The following DNMT1 variants were observed in gnomAD, a reference collection of about 807,000 sequenced individuals.
DNMT1 encodes the protein DNA methyltransferase 1, also known as DNA (cytosine-5)-methyltransferase 1.
DNMT1 carries 24 observed loss-of-function variants against 205.3 expected under a neutral mutation model. The ratio of observed to expected loss-of-function variants is 0.12; its 90% CI spans 0.08 to 0.16. DNMT1 has a LOEUF of 0.16. Among genes scored for constraint, DNMT1 ranks in the 10% least tolerant of loss-of-function variants. The probability of loss-of-function intolerance (pLI) is 1.00; values close to 1 mark genes in which losing one functional copy is unlikely to be tolerated. For missense variants in DNMT1, 1,293 were observed against 2,177.7 expected (o/e 0.59, Z 8.09); for synonymous variants, 817 against 839.8 (o/e 0.97, Z 0.47).
rs530870444 is a variant in DNMT1 at position 10,170,357 on chromosome 19, G to A, written c.769-1993C>T. Among the ~76,000 whole-genome samples the A allele has an allele frequency of 5.9e-5, 9 of 151,948 alleles. No homozygotes were observed. The South Asian group carries it at 6.2e-4, about 11-fold the overall frequency. ...AATGGTTCAAAAATTATTGTACAGC[G>A]GCCGGATGCAGTGGCTCACGCCTGT... is the stretch of plus-strand genomic sequence containing the variant. On this transcript the variant is annotated intron_variant, in intron 9 of 40. Coordinates refer to ENST00000359526, the MANE Select transcript of DNMT1 (RefSeq NM_001130823.3).
intron 28 of DNMT1, among the ~76,000 whole-genome samples, chr19:10,145,248 G>A (rs941510206): frequency 3.3e-5 from 5 of 152,204 alleles, no homozygotes; most frequent in South Asian, 4.1e-4. Context: ...CCCCAAAGGC[G>A]TCTCTGTGCT....
At chr19:10,136,980 G>A (rs929676880) in intron 37 of DNMT1, 105 bp downstream of exon 37, 50 of 1,445,454 alleles carry the variant, frequency 3.5e-5, no homozygotes, top group Non-Finnish European at 4.6e-5. Flanking sequence ...ACCCAGGCTT[G>A]GTGTGTCTGT....
At chr19:10,169,914 G>A (rs990102102) in intron 9 of DNMT1, among the ~76,000 whole-genome samples, 2 of 152,294 alleles carry the variant, frequency 1.3e-5, no homozygotes, top group Admixed American at 6.5e-5. Flanking sequence ...TGCTTGTTCT[G>A]AAACAAATTC....
At chr19:10,188,203 G>A (rs1305754590) in intron 1 of DNMT1, among the ~76,000 whole-genome samples, 1 of 152,122 alleles carries the variant, frequency 6.6e-6, no homozygotes, top group Non-Finnish European at 1.5e-5. Flanking sequence ...CGGCTGCATG[G>A]CAGCTGGAGC....
In DNMT1 at chr19:10,133,567, T is replaced by TG; in HGVS notation, c.*99_*100insC. On this transcript the variant is annotated 3_prime_UTR_variant, in exon 41 of 41. Coordinates refer to ENST00000359526, the MANE Select transcript of DNMT1 (RefSeq NM_001130823.3). This position sits in a 1 kb window ranked among gnomAD's most constrained non-coding sequence, Gnocchi z 4.1. Reference sequence around the variant, plus strand: ...GTCAGCCAAGGCCACAAACACCATGTACCACACATGTGAACGGACAGATTG... The same window carrying TG: ...GTCAGCCAAGGCCACAAACACCATGTGACCACACATGTGAACGGACAGATTG... 7.2e-7 allele frequency: 1 copy of TG among 1,396,250 alleles called. No homozygotes were observed. 86.5% of individuals were successfully genotyped at this position (1,396,250 alleles called of 1,614,324 possible).
Position 10,180,180 on chromosome 19 carries a change from C to T in DNMT1, c.493+7G>A, listed in dbSNP as rs1177224966. ...TACAAAAATTAGCTGGGTGTGGTGG[C>T]ACATACCTCTAATCCCAGTTACTTG... is the stretch of plus-strand genomic sequence containing the variant. On this transcript the variant is annotated splice_region_variant and intron_variant, in intron 5 of 40. Coordinates refer to ENST00000359526, the MANE Select transcript of DNMT1 (RefSeq NM_001130823.3). The T allele has an allele frequency of 3.9e-6, 3 of 775,872 alleles. No individual in the cohort carries two copies. The highest frequency in any genetic ancestry group is 1.7e-5 in the African/African-American group (1 of 57,596). The allele number at this position is 775,872 out of a possible 1,614,324, so 48.1% of individuals were successfully genotyped here.
Position 10,138,665 on chromosome 19 carries a change from C to A in DNMT1, c.3949-60G>T. 1 of 1,562,782 alleles carries A rather than the reference C, an allele frequency of 6.4e-7. No individual in the cohort carries two copies. Among genetic ancestry groups the A allele is most frequent in the South Asian group, 1.1e-5 (1 of 87,896 alleles). ...GTGGGACACTCCCAACTGGACTGGCCAGACCCAGGCCCAGGGTCAGCAGCC... is the reference window on the plus strand; with the variant it reads ...GTGGGACACTCCCAACTGGACTGGCAAGACCCAGGCCCAGGGTCAGCAGCC... On this transcript the variant is annotated intron_variant, in intron 34 of 40. Coordinates refer to ENST00000359526, the MANE Select transcript of DNMT1 (RefSeq NM_001130823.3). This position sits in a 1 kb window ranked among gnomAD's most constrained non-coding sequence, Gnocchi z 4.1.
At position 10,139,621 on chromosome 19, in the gene DNMT1, T is replaced by C. The variant is rs897337616; in HGVS notation, c.3948+55A>G. 4.4e-6 allele frequency: 7 copies of C among 1,590,398 alleles called. No individual in the cohort carries two copies. The African/African-American group carries it at 9.4e-5, about 21-fold the overall frequency. ...CCTTCAGTAAGGGATGGCTGGCTGCTGGCCGGGTCACGTGCTGGCCACATC... is the reference window on the plus strand; with the variant it reads ...CCTTCAGTAAGGGATGGCTGGCTGCCGGCCGGGTCACGTGCTGGCCACATC... On this transcript the variant is annotated intron_variant, in intron 34 of 40. Coordinates refer to ENST00000359526, the MANE Select transcript of DNMT1 (RefSeq NM_001130823.3).
At chr19:10,192,916 G>A (rs1250828521) in intron 1 of DNMT1, among the ~76,000 whole-genome samples, 5 of 152,048 alleles carry the variant, frequency 3.3e-5, no homozygotes, top group Non-Finnish European at 5.9e-5. Flanking sequence ...GCGTGGTGGT[G>A]TGCACCTGTA....
In DNMT1 at chr19:10,137,820, G is replaced by A. The variant is rs771761767; in HGVS notation, c.4293+12C>T. 1 of 1,611,988 alleles carries A rather than the reference G, an allele frequency of 6.2e-7. No homozygotes were observed. Among genetic ancestry groups the A allele is most frequent in the Non-Finnish European group, 8.5e-7 (1 of 1,179,452 alleles). On this transcript the variant is annotated intron_variant, in intron 36 of 40. Transcript: ENST00000359526. This position sits in a 1 kb window ranked among gnomAD's most constrained non-coding sequence, Gnocchi z 6.4. ...GCCTCGAGGAGGAGCCGCTCTGTCA[G>A]GGTGCCATTACCTTACAGATGTGGT...
At chr19:10,153,953 AC>A (rs1259663643) in intron 22 of DNMT1, among the ~76,000 whole-genome samples, 1 of 152,214 alleles carries the variant, frequency 6.6e-6, no homozygotes, top group East Asian at 1.9e-4. Context: ...TCTAAGCTGG[AC>A]AAAGTGCCCA....
At chr19:10,185,843 GA>G (rs57377594) in intron 1 of DNMT1, among the ~76,000 whole-genome samples, 1,159 of 70,770 alleles carry the variant, frequency 0.016, 5 homozygotes, top group African/African-American at 0.044. Flanking sequence ...TGTCTCAAAA[GA>G]AAAAAAAAAA....
intron 10 of DNMT1, among the ~76,000 whole-genome samples, chr19:10,167,715 G>A (rs2038725405): frequency 6.6e-6 from 1 of 152,174 alleles, no homozygotes; most frequent in Admixed American, 6.6e-5. Flanking sequence ...TCTGGCCTTG[G>A]AGCCATTTGT....
At position 10,168,754 on chromosome 19, in the gene DNMT1, A is replaced by G. The variant is rs577403654; in HGVS notation, c.769-390T>C. 2.6e-5 allele frequency among the ~76,000 whole-genome samples: 4 copies of G among 152,330 alleles called. No individual in the cohort carries two copies. The East Asian group carries it at 7.7e-4, about 29-fold the overall frequency. ...ACTTTATTATAAATCTCTACTTCCG[A>G]TATTAAAGGAATGAAATAGGATGGC... On this transcript the variant is annotated intron_variant, in intron 9 of 40. Coordinates refer to ENST00000359526, the MANE Select transcript of DNMT1 (RefSeq NM_001130823.3).
Position 10,133,850 on chromosome 19 carries a change from G to A in DNMT1, c.4865-149C>T, listed in dbSNP as rs563855223. On this transcript the variant is annotated intron_variant, in intron 40 of 40. Coordinates refer to ENST00000359526, the MANE Select transcript of DNMT1 (RefSeq NM_001130823.3). This position sits in a 1 kb window ranked among gnomAD's most constrained non-coding sequence, Gnocchi z 4.1. ...ATAAGTGGCAGAGTGCTAAGGGAAC[G>A]TTCACGGAGACTGAACACTCCTCAA... 15 of 910,088 alleles carry A rather than the reference G, an allele frequency of 1.6e-5. No homozygotes were observed. The highest frequency in any genetic ancestry group is 8.6e-5 in the South Asian group (6 of 69,984). The allele number at this position is 910,088 out of a possible 1,614,324, so 56.4% of individuals were successfully genotyped here. A position where few individuals can be genotyped will look rare whatever the true frequency, so the allele number is the denominator to read the frequency against.
chr19:10,173,012 T>C (rs926127321), intron 9 of DNMT1, 78 bp downstream of exon 9: 32 of 1,546,550 alleles, frequency 2.1e-5, no homozygotes, highest in African/African-American at 2.7e-5. Flanking sequence ...CCACCCCCTG[T>C]CCCCACGTCC....
intron 24 of DNMT1, 129 bp from the exon 25 acceptor site, chr19:10,150,097 G>A (rs1045291505): frequency 1.2e-6 from 1 of 816,934 alleles, no homozygotes; most frequent in South Asian, 1.4e-5. Context: ...AAGAGTTGCT[G>A]CTAAAGAGAA....
intron 9 of DNMT1, among the ~76,000 whole-genome samples, chr19:10,171,620 G>A (rs951381446): frequency 1.1e-4 from 17 of 151,974 alleles, no homozygotes; most frequent in African/African-American, 3.9e-4. Context: ...CCTGGCTAAC[G>A]TGGTGAAACC....
At chr19:10,181,846 A>G (rs764436880) in intron 2 of DNMT1, among the ~76,000 whole-genome samples, 195 bp downstream of exon 2, 2 of 151,802 alleles carry the variant, frequency 1.3e-5, no homozygotes, top group Admixed American at 6.6e-5. Context: ...AAAAACAACA[A>G]CAAAAAAAAA....
Sources: gnomAD v4.1 joint callset for allele counts (sites outside exome capture counted in the v4.1 genomes callset) on GRCh38, gnomAD v4.1.1 for gene constraint, Gnocchi (gnomAD v3.1) non-coding constraint, MANE v1.5 for transcripts, NCBI Gene and HGNC (gene_info 2026-07-23, HGNC 2026-07-21) for gene names.